IGFN1: variants seen among roughly 807,000 people sequenced by gnomAD.
IGFN1 encodes immunoglobulin-like and fibronectin type III domain-containing protein 1.
Under a neutral mutation model 289.5 loss-of-function variants are expected in IGFN1, and 253 were observed. The observed-to-expected ratio is 0.87, with a 90% confidence interval of 0.79 to 0.97. The LOEUF is 0.97. Ranked by LOEUF, IGFN1 falls within the 50% of genes least tolerant of loss-of-function variation. IGFN1 has a pLI of 0.00. For synonymous variants in IGFN1, 1,706 were observed against 1,788.5 expected (o/e 0.95, Z 1.16); for missense variants, 4,470 against 4,686.1 (o/e 0.95, Z 1.35).
Position 201,195,944 on chromosome 1 carries a change from C to T in IGFN1, c.233C>T (p.Ser78Phe). ...AGTGATTCCAGCAAGTACAAGATCT[C>T]CTCCAGCCCTGGCAGCAAGGAGCAC... The part of the protein sequence containing the change: ...DLSDSSKYKI[S>F]SSPGSKEHVL... Residue 78 changes from serine to phenylalanine, a missense_variant, in exon 4 of 24, where the codon TCC (serine) becomes TTC (phenylalanine). Transcript: ENST00000335211. The T allele has an allele frequency of 6.4e-7, 1 of 1,551,908 alleles. No individual in the cohort carries two copies. Among genetic ancestry groups the T allele is most frequent in the East Asian group, 2.4e-5 (1 of 40,916 alleles).
intron 11 of IGFN1, among the ~76,000 whole-genome samples, chr1:201,205,605 A>G (rs1667378328): frequency 6.6e-6 from 1 of 152,116 alleles, no homozygotes; most frequent in South Asian, 2.1e-4. Flanking sequence ...CAGCCTTGGG[A>G]CAGTGGCCCA....
intron 3 of IGFN1, among the ~76,000 whole-genome samples, chr1:201,194,868 A>G (rs1666823943): frequency 6.6e-6 from 1 of 152,168 alleles, no homozygotes; most frequent in Non-Finnish European, 1.5e-5. Flanking sequence ...ATGGTATTTT[A>G]TTTTTCTAAA....
chr1:201,197,994 G>A (rs146662784), intron 5 of IGFN1, among the ~76,000 whole-genome samples: 28 of 152,270 alleles, frequency 1.8e-4, no homozygotes, highest in African/African-American at 2.6e-4. Flanking sequence ...TGATTCCTTC[G>A]TTCCCACTGC....
intron 6 of IGFN1, 41 bp downstream of exon 6, chr1:201,199,419 G>A (rs1364210404): frequency 2.0e-6 from 3 of 1,537,816 alleles, no homozygotes; most frequent in Non-Finnish European, 2.6e-6. Flanking sequence ...GGCCTGTGGG[G>A]GATAGGCTAC....
intron 15 of IGFN1, 124 bp downstream of exon 15, chr1:201,215,962 T>C: frequency 1.0e-6 from 1 of 969,974 alleles, no homozygotes; most frequent in Non-Finnish European, 1.6e-6. Flanking sequence ...GCATGCTGTT[T>C]AAGATCCAGA....
At chr1:201,224,139 C>A (rs186190247) in intron 20 of IGFN1, among the ~76,000 whole-genome samples, 3 of 152,338 alleles carry the variant, frequency 2.0e-5, no homozygotes, top group African/African-American at 7.2e-5. Context: ...GGTCACCAAG[C>A]AGCTGGGCTG....
intron 9 of IGFN1, among the ~76,000 whole-genome samples, chr1:201,202,247 A>G (rs948365496): frequency 1.3e-5 from 2 of 152,176 alleles, no homozygotes; most frequent in Non-Finnish European, 2.9e-5. Flanking sequence ...AGTTGGTAAA[A>G]TTTGGCTAGT....
rs1558150329 is a variant in IGFN1 at position 201,212,348 on chromosome 1, G to A, written c.7455G>A (p.Lys2485=). ...IPEASEAAGA[K]GKPDVKEWQD... ...AGGCCTCGGAGGCTGCTGGTGCCAA[G>A]GGAAAACCAGATGTCAAAGAATGGC... is the stretch of plus-strand genomic sequence containing the variant. Residue 2485 remains lysine (K), a synonymous_variant, in exon 12 of 24, where the codon AAG becomes AAA. Transcript: ENST00000335211. 36 of 1,536,670 alleles carry A rather than the reference G, an allele frequency of 2.3e-5. No individual in the cohort carries two copies. Among genetic ancestry groups the A allele is most frequent in the Non-Finnish European group, 3.1e-5 (35 of 1,146,808 alleles).
rs1667596189 is a variant in IGFN1 at position 201,209,334 on chromosome 1, G to A, written c.4441G>A (p.Gly1481Ser). The change falls in exon 12 of 24, where the codon GGT becomes AGT. Residue 1481 changes from glycine (G) to serine (S), a missense_variant. By Grantham distance (56) the Gly-to-Ser change is moderately conservative. This residue lies in a region of IGFN1 where 2,011 missense variants were observed against 1,953.4 expected (regional missense o/e 1.03). Coordinates refer to ENST00000335211, the MANE Select transcript of IGFN1 (RefSeq NM_001164586.2). ...DSGSKAGYRGGLRGSGEMGLI... is the reference protein window; with the variant it reads ...DSGSKAGYRGSLRGSGEMGLI... ...AGGGAGCAAGGCAGGTTACAGGGGTGGTTTAAGGGGTTCTGGGGAAATGGG... is the reference window on the plus strand; with the variant it reads ...AGGGAGCAAGGCAGGTTACAGGGGTAGTTTAAGGGGTTCTGGGGAAATGGG... 5.4e-6 allele frequency: 8 copies of A among 1,484,764 alleles called. No individual in the cohort carries two copies. The highest frequency in any genetic ancestry group is 7.1e-6 in the Non-Finnish European group (8 of 1,126,312). 92.0% of individuals were successfully genotyped at this position (1,484,764 alleles called of 1,614,324 possible). A position where few individuals can be genotyped will look rare whatever the true frequency, so the allele number is the denominator to read the frequency against.
chr1:201,206,993 T>G lies in IGFN1; in HGVS notation c.2100T>G (p.Gly700=). The stretch of plus-strand genomic sequence containing the variant: ...CTGAATCCTGGGGTTCTCAGGGAGG[T>G]AGAGATGCTGACTATGGGGAAGCCA... ...MAPESWGSQG[G]RDADYGEARG... is the part of the protein sequence containing the mutation. Residue 700 remains glycine (G), a synonymous_variant, in exon 12 of 24, where the codon GGT becomes GGG. Coordinates refer to ENST00000335211, the MANE Select transcript of IGFN1 (RefSeq NM_001164586.2). 1 of 1,535,148 alleles carries G rather than the reference T, an allele frequency of 6.5e-7. No individual in the cohort carries two copies.
rs566244435 is a variant in IGFN1, at chr1:201,206,403, A to G, written c.1510A>G (p.Arg504Gly). 1 of 1,550,922 alleles carries G rather than the reference A, an allele frequency of 6.4e-7. No homozygotes were observed. The highest frequency in any genetic ancestry group is 1.4e-5 in the African/African-American group (1 of 73,174). The change falls in exon 12 of 24, where the codon AGG becomes GGG. Residue 504 changes from arginine to glycine, a missense_variant. Physicochemically the swap from Arg to Gly is moderately radical, Grantham distance 125. This residue lies in a region of IGFN1 where 2,011 missense variants were observed against 1,953.4 expected (regional missense o/e 1.03). Transcript: ENST00000335211. ...VAEGSRATLP[R>G]ENQSHREGGW... The stretch of plus-strand genomic sequence containing the variant: ...AGAGGGAAGCAGAGCCACTCTTCCC[A>G]GGGAAAATCAATCCCACAGAGAGGG...
chr1:201,211,646 G>C lies in IGFN1; in HGVS notation c.6753G>C (p.Arg2251Ser), dbSNP rs1414172143. ...GGTCAATGGATGAGGCAGATTATAG[G>C]AAGGATTTGGGAGCTCCTGAGGAAA... ...EMGSMDEADYRKDLGAPEEMG... is the reference protein window; with the variant it reads ...EMGSMDEADYSKDLGAPEEMG... Residue 2251 changes from arginine to serine, a missense_variant, in exon 12 of 24, where the codon AGG (arginine) becomes AGC (serine). Physicochemically the swap from Arg to Ser is moderately radical, Grantham distance 110 (BLOSUM62 -1). This residue lies in a region of IGFN1 where 2,218 missense variants were observed against 2,114.1 expected (regional missense o/e 1.05). Coordinates refer to ENST00000335211, the MANE Select transcript of IGFN1 (RefSeq NM_001164586.2). 6.5e-7 allele frequency: 1 copy of C among 1,537,004 alleles called. No individual in the cohort carries two copies. The highest frequency in any genetic ancestry group is 1.2e-5 in the South Asian group (1 of 84,062).
intron 7 of IGFN1, 45 bp from the exon 8 acceptor site, chr1:201,200,192 A>G (rs906249351): frequency 3.3e-6 from 5 of 1,511,010 alleles, no homozygotes; most frequent in Non-Finnish European, 4.5e-6. Flanking sequence ...CCAACAGAGG[A>G]GCAGGGATTC....
At position 201,218,620 on chromosome 1, in the gene IGFN1, G is replaced by T. The variant is rs779875632; in HGVS notation, c.9860G>T (p.Gly3287Val). ...GCTCCCTCAGGTCCCGGAGAGCCTGGACCTCCATCGGATGCTGTCTTTGCT... is the reference window on the plus strand; with the variant it reads ...GCTCCCTCAGGTCCCGGAGAGCCTGTACCTCCATCGGATGCTGTCTTTGCT... ...AVAPSGPGEPGPPSDAVFARD... is the reference protein window; with the variant it reads ...AVAPSGPGEPVPPSDAVFARD... The change falls in exon 18 of 24, where the codon GGA becomes GTA. Residue 3287 changes from glycine (G) to valine (V), a missense_variant. Gly to Val is a moderately radical substitution (Grantham distance 109). This residue lies in a region of IGFN1 where 2,218 missense variants were observed against 2,114.1 expected (regional missense o/e 1.05). Transcript: ENST00000335211. 1.2e-6 allele frequency: 2 copies of T among 1,611,558 alleles called. No individual in the cohort carries two copies. The highest frequency in any genetic ancestry group is 1.7e-6 in the Non-Finnish European group (2 of 1,179,944).
rs930572841 is a variant in IGFN1, at chr1:201,206,238, G to A, written c.1345G>A (p.Gly449Arg). 24 of 1,547,832 alleles carry A rather than the reference G, an allele frequency of 1.6e-5. No individual in the cohort carries two copies. The highest frequency in any genetic ancestry group is 2.1e-5 in the Non-Finnish European group (24 of 1,145,742). Reference protein sequence around the residue: ...GPRGGSLEGAGPASGLQHIAS... With the variant: ...GPRGGSLEGARPASGLQHIAS... Reference sequence around the variant, plus strand: ...CAGGGGGGGCTCCCTTGAAGGGGCTGGGCCGGCTTCTGGGCTCCAGCACAT... The same window carrying A: ...CAGGGGGGGCTCCCTTGAAGGGGCTAGGCCGGCTTCTGGGCTCCAGCACAT... The change falls in exon 12 of 24, where the codon GGG becomes AGG. Residue 449 changes from glycine to arginine, a missense_variant. Coordinates refer to ENST00000335211, the MANE Select transcript of IGFN1 (RefSeq NM_001164586.2).
At position 201,211,930 on chromosome 1, in the gene IGFN1, G is replaced by T. The variant is rs763007047; in HGVS notation, c.7037G>T (p.Gly2346Val). The T allele has an allele frequency of 3.4e-4, 524 of 1,527,606 alleles. No homozygotes were observed. Among genetic ancestry groups the T allele is most frequent in the Non-Finnish European group, 4.4e-4 (497 of 1,141,992 alleles). 94.6% of individuals were successfully genotyped at this position (1,527,606 alleles called of 1,614,324 possible). A position where few individuals can be genotyped will look rare whatever the true frequency, so the allele number is the denominator to read the frequency against. Residue 2346 changes from glycine (G) to valine (V), a missense_variant, in exon 12 of 24, where the codon GGA becomes GTA. Gly to Val is a moderately radical substitution (Grantham distance 109). This residue lies in a region of IGFN1 where 2,218 missense variants were observed against 2,114.1 expected (regional missense o/e 1.05). Transcript: ENST00000335211. ...SEVSYRGGSGGSGETGPEGKM... is the reference protein window; with the variant it reads ...SEVSYRGGSGVSGETGPEGKM... ...GTCAGTTATAGAGGAGGCTCAGGAG[G>T]ATCTGGGGAAACGGGACCAGAGGGT...
intron 18 of IGFN1, among the ~76,000 whole-genome samples, 173 bp from the exon 19 acceptor site, chr1:201,221,271 G>C (rs1481030779): frequency 2.0e-5 from 3 of 152,228 alleles, no homozygotes; most frequent in Non-Finnish European, 4.4e-5. Context: ...CGGAGACAAA[G>C]TGCTGGTTAC....
At chr1:201,200,065 A>G (rs1054573782) in intron 7 of IGFN1, among the ~76,000 whole-genome samples, 172 bp from the exon 8 acceptor site, 2 of 152,086 alleles carry the variant, frequency 1.3e-5, no homozygotes, top group Non-Finnish European at 2.9e-5. Context: ...CGCCCCACCC[A>G]TCTCTGAATC....
Position 201,206,573 on chromosome 1 carries a change from G to A in IGFN1, c.1680G>A (p.Glu560=), listed in dbSNP as rs1180771469. ...GCTGGAGGAAAGCAGGAGGCTGGGA[G>A]GCTGGGTCCAGTCGGCTTCAGGCTG... is the stretch of plus-strand genomic sequence containing the variant. The part of the protein sequence containing the change: ...DECWRKAGGW[E]AGSSRLQAGG... The change falls in exon 12 of 24, where the codon GAG becomes GAA. Residue 560 remains glutamate, a synonymous_variant. Coordinates refer to ENST00000335211, the MANE Select transcript of IGFN1 (RefSeq NM_001164586.2). The A allele has an allele frequency of 3.9e-6, 6 of 1,550,128 alleles. No individual in the cohort carries two copies. Among genetic ancestry groups the A allele is most frequent in the Non-Finnish European group, 4.4e-6 (5 of 1,146,992 alleles).
Sources: gnomAD v4.1 joint callset for allele counts (sites outside exome capture counted in the v4.1 genomes callset) on GRCh38, gnomAD v4.1.1 for gene constraint, gnomAD v4.1.1 regional missense constraint, MANE v1.5 for transcripts, NCBI Gene and HGNC (gene_info 2026-07-23, HGNC 2026-07-21) for gene names.